Variants in CAMSAP1 observed in about 807,000 individuals in gnomAD.
CAMSAP1 encodes the protein calmodulin regulated spectrin associated protein 1, also known as calmodulin-regulated spectrin-associated protein 1.
CAMSAP1 carries 58 observed loss-of-function variants against 143.5 expected under a neutral mutation model. The ratio of observed to expected loss-of-function variants is 0.40; its 90% CI spans 0.33 to 0.50. The LOEUF is 0.50. Ranked by LOEUF, CAMSAP1 falls within the 20% of genes least tolerant of loss-of-function variation. The pLI is 0.45. For synonymous variants in CAMSAP1, 945 were observed against 859.3 expected (o/e 1.10, Z -1.74); for missense variants, 1,969 against 2,115.7 (o/e 0.93, Z 1.36).
Position 135,883,018 on chromosome 9 carries a change from A to C in CAMSAP1, c.221T>G (p.Ile74Ser). The change falls in exon 2 of 17, where the codon ATT becomes AGT. Residue 74 changes from isoleucine (I) to serine (S), a missense_variant. Physicochemically the swap from Ile to Ser is moderately radical, Grantham distance 142. Around this residue, in one of 4 missense-constraint regions of CAMSAP1, gnomAD observed 215 missense variants for 196.2 expected, o/e 1.10. Transcript: ENST00000389532. ...GAGAAGCTTGATAACAGGCGGCTTA[A>C]TGTGCTCCTGCTCATACTGGTCAAC... ...FYVDQYEQEH[I>S]KPPVIKLLLS... 1 of 1,551,724 alleles carries C rather than the reference A, an allele frequency of 6.4e-7. No individual in the cohort carries two copies. Among genetic ancestry groups the C allele is most frequent in the Non-Finnish European group, 8.7e-7 (1 of 1,147,002 alleles).
Position 135,824,879 on chromosome 9 carries a change from C to A in CAMSAP1, c.1225G>T (p.Gly409Trp), listed in dbSNP as rs540832311. ...GGGCTGAAGGCAGCAGTTCCTTTCC[C>A]GCTAAATGGAAAAAGAATTACAGGG... ...YLHPEEPEYL[G>W]KGTAAFSPSH... is the part of the protein sequence containing the mutation. Residue 409 changes from glycine (G) to tryptophan (W), a missense_variant and splice_region_variant, in exon 9 of 17, where the codon GGG becomes TGG. Physicochemically the swap from Gly to Trp is radical, Grantham distance 184. This residue lies in a region of CAMSAP1 where 1,390 missense variants were observed against 1,420.8 expected (regional missense o/e 0.98). Transcript: ENST00000389532. The surrounding 1 kb of genome is among the most constrained non-coding windows in gnomAD (Gnocchi z 4.1). 6.3e-6 allele frequency: 10 copies of A among 1,582,306 alleles called. No individual in the cohort carries two copies. The highest frequency in any genetic ancestry group is 8.6e-6 in the Non-Finnish European group (10 of 1,164,314).
chr9:135,881,890 T>C, intron 2 of CAMSAP1, 96 bp from the exon 3 acceptor site: 1 of 1,417,948 alleles, frequency 7.1e-7, no homozygotes, highest in Non-Finnish European at 9.6e-7. Context: ...TCTGGCCTAA[T>C]TTCTTCATCC....
chr9:135,818,387 G>A lies in CAMSAP1; in HGVS notation c.4168+21C>T, dbSNP rs1273159185. ...GCCCGCGGAAGGAAGCGCTGCCCGC[G>A]TGAGGGCCGGGGCTGCTTACGGGTG... On this transcript the variant is annotated intron_variant, in intron 13 of 16. Coordinates refer to ENST00000389532, the MANE Select transcript of CAMSAP1 (RefSeq NM_015447.4). This position sits in a 1 kb window ranked among gnomAD's most constrained non-coding sequence, Gnocchi z 7.7. 2 of 1,545,400 alleles carry A rather than the reference G, an allele frequency of 1.3e-6. No homozygotes were observed. Among genetic ancestry groups the A allele is most frequent in the Non-Finnish European group, 1.7e-6 (2 of 1,149,056 alleles).
chr9:135,818,334 G>C lies in CAMSAP1; in HGVS notation c.4168+74C>G, dbSNP rs1286227452. 2 of 1,445,590 alleles carry C rather than the reference G, an allele frequency of 1.4e-6. No homozygotes were observed. Among genetic ancestry groups the C allele is most frequent in the Admixed American group, 2.2e-5 (1 of 46,366 alleles). 89.5% of individuals were successfully genotyped at this position (1,445,590 alleles called of 1,614,324 possible). On this transcript the variant is annotated intron_variant, in intron 13 of 16. Transcript: ENST00000389532. This position sits in a 1 kb window ranked among gnomAD's most constrained non-coding sequence, Gnocchi z 7.7. Reference sequence around the variant, plus strand: ...TCACACCACTCTTGATGACAAAATTGAAATGAGCTGAAGAACGTGAGGCCG... The same window carrying C: ...TCACACCACTCTTGATGACAAAATTCAAATGAGCTGAAGAACGTGAGGCCG...
At chr9:135,885,555 G>A (rs1189853708) in intron 1 of CAMSAP1, among the ~76,000 whole-genome samples, 3 of 152,224 alleles carry the variant, frequency 2.0e-5, no homozygotes, top group African/African-American at 4.8e-5. Context: ...GAGAATGGCA[G>A]AGCCTACCTC....
intron 3 of CAMSAP1, among the ~76,000 whole-genome samples, chr9:135,867,489 T>TTA (rs1554796502): frequency 0.014 from 1,969 of 142,592 alleles, 63 homozygotes; most frequent in African/African-American, 0.048. Context: ...TTTTTTTTTT[T>TTA]AAAAAAAAAG....
intron 7 of CAMSAP1, among the ~76,000 whole-genome samples, chr9:135,843,471 A>G (rs1317018574): frequency 6.6e-6 from 1 of 152,196 alleles, no homozygotes; most frequent in African/African-American, 2.4e-5. Context: ...GGAAAGCAAA[A>G]AAGAAGCAGG....
At chr9:135,844,388 GT>G (rs1836475698) in intron 7 of CAMSAP1, among the ~76,000 whole-genome samples, 1 of 152,156 alleles carries the variant, frequency 6.6e-6, no homozygotes, top group African/African-American at 2.4e-5. Flanking sequence ...AAATAAAGAA[GT>G]TCTTTGAAAC....
Position 135,815,755 on chromosome 9 carries a change from C to T in CAMSAP1, c.4387+135G>A, listed in dbSNP as rs977347086. 80 of 739,754 alleles carry T rather than the reference C, an allele frequency of 1.1e-4. No homozygotes were observed. The East Asian group carries it at 2.2e-3, about 20-fold the overall frequency. The allele number at this position is 739,754 out of a possible 1,614,324, so 45.8% of individuals were successfully genotyped here. A position where few individuals can be genotyped will look rare whatever the true frequency, so the allele number is the denominator to read the frequency against. On this transcript the variant is annotated intron_variant, in intron 15 of 16. Coordinates refer to ENST00000389532, the MANE Select transcript of CAMSAP1 (RefSeq NM_015447.4). ...TTCAGCACCAAAGAGCTCAAATTAG[C>T]TCTCTTTCACTACATCAAACATCTT...
chr9:135,907,055 C>A lies in CAMSAP1; in HGVS notation c.105G>T (p.Ala35=), dbSNP rs1410995685. The A allele has an allele frequency of 6.6e-6, 8 of 1,210,046 alleles. No homozygotes were observed. Among genetic ancestry groups the A allele is most frequent in the Non-Finnish European group, 8.3e-6 (8 of 961,280 alleles). 75.0% of individuals were successfully genotyped at this position (1,210,046 alleles called of 1,614,324 possible). A position where few individuals can be genotyped will look rare whatever the true frequency, so the allele number is the denominator to read the frequency against. ...DLVPLDRYDA[A]RAKIAANLQW... ...GCAGGTTGGCGGCGATCTTGGCGCG[C>A]GCCGCGTCGTAGCGGTCCAGGGGCA... The change falls in exon 1 of 17, where the codon GCG becomes GCT. Residue 35 remains alanine, a synonymous_variant. Coordinates refer to ENST00000389532, the MANE Select transcript of CAMSAP1 (RefSeq NM_015447.4).
At chr9:135,835,530 C>A (rs1218536482) in intron 7 of CAMSAP1, among the ~76,000 whole-genome samples, 1 of 152,232 alleles carries the variant, frequency 6.6e-6, no homozygotes, top group Non-Finnish European at 1.5e-5. Flanking sequence ...CCCTGCTTCA[C>A]TAGGCACAAA....
chr9:135,837,128 T>C (rs1295374556), intron 7 of CAMSAP1, among the ~76,000 whole-genome samples: 10 of 151,360 alleles, frequency 6.6e-5, no homozygotes, highest in Non-Finnish European at 1.2e-4. Context: ...ACGGACGTTC[T>C]ACAGACACAC....
chr9:135,857,027 T>C (rs768937055), intron 5 of CAMSAP1, among the ~76,000 whole-genome samples: 27 of 152,174 alleles, frequency 1.8e-4, no homozygotes, highest in Non-Finnish European at 3.1e-4. Context: ...TCTGGTGTCA[T>C]TGGGGCTGCC....
At chr9:135,843,049 C>T (rs933331094) in intron 7 of CAMSAP1, among the ~76,000 whole-genome samples, 5 of 151,862 alleles carry the variant, frequency 3.3e-5, no homozygotes, top group African/African-American at 4.8e-5. Context: ...CAGACTGGGC[C>T]GGGTGTGGTG....
chr9:135,828,928 C>A (rs1165683437), intron 7 of CAMSAP1, among the ~76,000 whole-genome samples: 2 of 152,140 alleles, frequency 1.3e-5, no homozygotes, highest in African/African-American at 4.8e-5. Context: ...CGGGAAAAAA[C>A]CCCAACCAAG....
rs1000191004 is a variant in CAMSAP1 at position 135,820,085 on chromosome 9, G to A, written c.3822+754C>T. The stretch of plus-strand genomic sequence containing the variant: ...TCTGCTGCTGTGTGAGCATGACGGA[G>A]TGTGCGCACACCTGGATGGCAGCGC... On this transcript the variant is annotated intron_variant, in intron 11 of 16. Transcript: ENST00000389532. This position sits in a 1 kb window ranked among gnomAD's most constrained non-coding sequence, Gnocchi z 4.4. Among the ~76,000 whole-genome samples, 1 of 152,206 alleles carries A rather than the reference G, an allele frequency of 6.6e-6. No homozygotes were observed. Among genetic ancestry groups the A allele is most frequent in the African/African-American group, 2.4e-5 (1 of 41,444 alleles).
chr9:135,821,804 T>G lies in CAMSAP1; in HGVS notation c.2857A>C (p.Lys953Gln), dbSNP rs1434403534. 1 of 1,614,008 alleles carries G rather than the reference T, an allele frequency of 6.2e-7. No individual in the cohort carries two copies. The highest frequency in any genetic ancestry group is 1.7e-5 in the Admixed American group (1 of 60,028). ...TCCTTCACGAGAAAGTCTTCGGTTT[T>G]GGAAACAGCGTCCCCACAGTCCTCC... is the stretch of plus-strand genomic sequence containing the variant. ...NGEDCGDAVS[K>Q]TEDFLVKEEQ... Residue 953 changes from lysine to glutamine, a missense_variant, in exon 11 of 17, where the codon AAA becomes CAA. Physicochemically the swap from Lys to Gln is moderately conservative, Grantham distance 53. Transcript: ENST00000389532. The surrounding 1 kb of genome is among the most constrained non-coding windows in gnomAD (Gnocchi z 4.6).
At chr9:135,883,416 T>C (rs1047566012) in intron 1 of CAMSAP1, among the ~76,000 whole-genome samples, 2 of 151,770 alleles carry the variant, frequency 1.3e-5, no homozygotes, top group Admixed American at 6.6e-5. Context: ...AGTAAGAAGG[T>C]AGACATGGGA....
At chr9:135,855,018 G>A (rs1439429367) in intron 5 of CAMSAP1, among the ~76,000 whole-genome samples, 1 of 151,198 alleles carries the variant, frequency 6.6e-6, no homozygotes, top group Non-Finnish European at 1.5e-5. Flanking sequence ...TTGAGATGGA[G>A]CTTCACTCTG....
Sources: gnomAD v4.1 joint callset for allele counts (sites outside exome capture counted in the v4.1 genomes callset) on GRCh38, gnomAD v4.1.1 for gene constraint, gnomAD v4.1.1 regional missense constraint, Gnocchi (gnomAD v3.1) non-coding constraint, MANE v1.5 for transcripts, NCBI Gene and HGNC (gene_info 2026-07-23, HGNC 2026-07-21) for gene names.